The following COBLL1 variants were observed in gnomAD, a reference collection of about 807,000 sequenced individuals.
COBLL1 encodes cordon-bleu protein-like 1.
In COBLL1, 50 loss-of-function variants were observed where a neutral mutation model predicts 94.8. The observed-to-expected ratio is 0.53, with a 90% CI of 0.42 to 0.67. The LOEUF (loss-of-function observed/expected upper bound fraction) is 0.67. COBLL1 is among the 30% of genes least tolerant of loss of function. COBLL1 has a pLI of 0.00. For missense variants in COBLL1, 1,362 were observed against 1,348.7 expected, an observed-to-expected ratio of 1.01 and a Z score of -0.15; for synonymous variants, 448 against 473.8, an observed-to-expected ratio of 0.95 and a Z score of 0.71.
intron 2 of COBLL1, among the ~76,000 whole-genome samples, chr2:164,806,230 G>T (rs1474412484): frequency 6.6e-6 from 1 of 151,944 alleles, no homozygotes; most frequent in Non-Finnish European, 1.5e-5. Flanking sequence ...GACTTCCCAA[G>T]GAATATACAG....
intron 2 of COBLL1, chr2:164,800,415 G>C: frequency 1.7e-6 from 1 of 580,210 alleles, no homozygotes; most frequent in Non-Finnish European, 3.1e-6. Flanking sequence ...AAATACCAAC[G>C]ATACTATGTT....
intron 2 of COBLL1, among the ~76,000 whole-genome samples, chr2:164,751,471 TGA>T (rs1156724515): frequency 1.3e-5 from 2 of 151,984 alleles, no homozygotes; most frequent in Non-Finnish European, 1.5e-5. Context: ...GGTGGGTTGC[TGA>T]GAGTCAACCT....
chr2:164,677,120 A>G (rs1691352496), downstream of COBLL1, among the ~76,000 whole-genome samples: 1 of 152,110 alleles, frequency 6.6e-6, no homozygotes, highest in Non-Finnish European at 1.5e-5. Flanking sequence ...TGTACATCTA[A>G]TTTAATTTTA....
At position 164,728,162 on chromosome 2, in the gene COBLL1, T is replaced by C. The variant is rs1329831798; in HGVS notation, c.468A>G (p.Thr156=). The C allele has an allele frequency of 1.9e-6, 3 of 1,613,510 alleles. No individual in the cohort carries two copies. Among genetic ancestry groups the C allele is most frequent in the African/African-American group, 2.7e-5 (2 of 74,930 alleles). The stretch of plus-strand genomic sequence containing the variant: ...GACTCACTCTCACTATGGTCTTCTG[T>C]GTTTTCTTAAAATTAATCACTACTC... ...TVRVVINFKK[T]QKTIVRVSPH... The change falls in exon 5 of 14, where the codon ACA becomes ACG. Residue 156 remains threonine (T), a synonymous_variant. Coordinates refer to ENST00000652658, the MANE Select transcript of COBLL1 (RefSeq NM_001365672.2).
downstream of COBLL1, among the ~76,000 whole-genome samples, chr2:164,677,263 T>A (rs998682365): frequency 1.3e-5 from 2 of 152,164 alleles, no homozygotes; most frequent in Non-Finnish European, 2.9e-5. Flanking sequence ...TTTCTTTTTT[T>A]TGCTATTACC....
At chr2:164,658,995 T>C (rs965384924) in intron 2 of COBLL1, among the ~76,000 whole-genome samples, 5 of 152,116 alleles carry the variant, frequency 3.3e-5, no homozygotes, top group Non-Finnish European at 5.9e-5. Context: ...GACTGCCACC[T>C]CTTTAGGTTT....
chr2:164,788,839 C>A (rs375098608), intron 2 of COBLL1, among the ~76,000 whole-genome samples: 105 of 140,352 alleles, frequency 7.5e-4, no homozygotes, highest in African/African-American at 8.2e-4. Context: ...TATGTTTAAC[C>A]AAAAAAAAAA....
intron 1 of COBLL1, among the ~76,000 whole-genome samples, chr2:164,673,903 A>G (rs1691290751): frequency 6.6e-6 from 1 of 152,212 alleles, no homozygotes; most frequent in African/African-American, 2.4e-5. Context: ...TTCTACAATT[A>G]CATCAAGAAT....
intron 2 of COBLL1, among the ~76,000 whole-genome samples, chr2:164,813,567 G>T (rs989514507): frequency 6.6e-6 from 1 of 152,074 alleles, no homozygotes. Context: ...TCAACAAGTA[G>T]TAAAAACTCA....
At chr2:164,669,667 T>C (rs1013134976) in intron 1 of COBLL1, among the ~76,000 whole-genome samples, 3 of 152,236 alleles carry the variant, frequency 2.0e-5, no homozygotes, top group Non-Finnish European at 2.9e-5. Flanking sequence ...TCTAAAAGGA[T>C]AGGCCATCTA....
At chr2:164,673,503 C>A (rs1691282480) in intron 1 of COBLL1, among the ~76,000 whole-genome samples, 1 of 152,050 alleles carries the variant, frequency 6.6e-6, no homozygotes, top group Admixed American at 6.6e-5. Context: ...GGTGAAACCT[C>A]ATCTCCACTA....
At chr2:164,722,597 T>TC (rs1208896106) in intron 5 of COBLL1, 75 bp from the exon 6 acceptor site, 2 of 774,020 alleles carry the variant, frequency 2.6e-6, no homozygotes, top group African/African-American at 3.6e-5. Flanking sequence ...TTCTCTTACT[T>TC]CCCCTTTGCA....
chr2:164,762,416 T>C (rs1687727550), intron 2 of COBLL1, among the ~76,000 whole-genome samples: 1 of 152,176 alleles, frequency 6.6e-6, no homozygotes, highest in South Asian at 2.1e-4. Flanking sequence ...TAATCCAATA[T>C]ACAGTGTCCT....
intron 2 of COBLL1, among the ~76,000 whole-genome samples, chr2:164,757,747 G>A (rs1415259812): frequency 6.6e-6 from 1 of 152,010 alleles, no homozygotes; most frequent in East Asian, 1.9e-4. Flanking sequence ...GGGAGGTCAA[G>A]GCTAGAGTGA....
At chr2:164,706,876 G>A (rs751068776) in intron 7 of COBLL1, among the ~76,000 whole-genome samples, 1 of 152,122 alleles carries the variant, frequency 6.6e-6, no homozygotes, top group Non-Finnish European at 1.5e-5. Flanking sequence ...CTATTAAAAT[G>A]TAAGCCAGAT....
At chr2:164,659,063 G>A (rs532544461) in intron 2 of COBLL1, among the ~76,000 whole-genome samples, 1 of 152,186 alleles carries the variant, frequency 6.6e-6, no homozygotes, top group East Asian at 1.9e-4. Flanking sequence ...GTGTTCCCTC[G>A]AAATTAAGAA....
intron 2 of COBLL1, among the ~76,000 whole-genome samples, chr2:164,805,336 T>TATA (rs1559033598): frequency 1.7e-5 from 1 of 60,336 alleles, no homozygotes; most frequent in African/African-American, 6.4e-5. Context: ...TCTCTCTCTC[T>TATA]CTATATATAT....
intron 7 of COBLL1, among the ~76,000 whole-genome samples, chr2:164,713,499 A>T (rs1195888528): frequency 6.6e-6 from 1 of 152,116 alleles, no homozygotes; most frequent in East Asian, 1.9e-4. Flanking sequence ...TCTAAATACC[A>T]CCACCAACAG....
At position 164,769,509 on chromosome 2, in the gene COBLL1, T is replaced by C. The variant is rs1428911355; in HGVS notation, c.42-25634A>G. ...AGTCATCAGTAAATAAGAATATATT[T>C]TATATTCCTGTTTGTGTAAAAGGCC... On this transcript the variant is annotated intron_variant, in intron 2 of 13. Coordinates refer to ENST00000652658, the MANE Select transcript of COBLL1 (RefSeq NM_001365672.2). 2.0e-5 allele frequency among the ~76,000 whole-genome samples: 3 copies of C among 152,194 alleles called. No homozygotes were observed. In the East Asian group the frequency reaches 5.8e-4, roughly 29 times the overall value.
Sources: allele counts gnomAD v4.1 joint callset (sites outside exome capture counted in the v4.1 genomes callset), GRCh38; gene constraint gnomAD v4.1.1; transcripts MANE v1.5; gene names NCBI Gene and HGNC (gene_info 2026-07-23, HGNC 2026-07-21).